The following PLXDC2 variants were observed in gnomAD, a reference collection of about 807,000 sequenced individuals.
The protein encoded by PLXDC2 is plexin domain containing 2, also known as plexin domain-containing protein 2.
PLXDC2 carries 40 observed loss-of-function variants against 68.9 expected under a neutral mutation model. The observed-to-expected ratio is 0.58, with a 90% confidence interval of 0.45 to 0.76. The LOEUF (loss-of-function observed/expected upper bound fraction) is 0.76. Ranked by LOEUF, PLXDC2 falls within the 30% of genes least tolerant of loss-of-function variation. The pLI, the probability that PLXDC2 is intolerant of heterozygous loss-of-function variation, is 0.00. For synonymous variants in PLXDC2, 243 were observed against 234.2 expected (o/e 1.04, Z -0.34); for missense variants, 644 against 661.9 (o/e 0.97, Z 0.30).
chr10:20,101,190 G>A (rs914758294), intron 4 of PLXDC2, among the ~76,000 whole-genome samples: 1 of 152,100 alleles, frequency 6.6e-6, no homozygotes, highest in Non-Finnish European at 1.5e-5. Context: ...TGAGAGGATG[G>A]GGGTAGTGTT....
chr10:20,103,589 TGTGAGAGA>T (rs1305465542), intron 4 of PLXDC2, among the ~76,000 whole-genome samples: 1 of 84,782 alleles, frequency 1.2e-5, no homozygotes, highest in Non-Finnish European at 1.9e-5. Flanking sequence ...GCGGTTTGTG[TGTGAGAGA>T]GAGAGAGAGA....
At chr10:19,955,877 G>A (rs1034678719) in intron 1 of PLXDC2, among the ~76,000 whole-genome samples, 15 of 151,944 alleles carry the variant, frequency 9.9e-5, no homozygotes, top group Non-Finnish European at 1.9e-4. Context: ...TCAGGAGTTC[G>A]AGACCAGCCT....
intron 9 of PLXDC2, among the ~76,000 whole-genome samples, chr10:20,193,298 ATT>A (rs1160744875): frequency 6.6e-6 from 1 of 152,130 alleles, no homozygotes; most frequent in African/African-American, 2.4e-5. Context: ...TAACAAATGT[ATT>A]GATTAATGGG....
intron 1 of PLXDC2, among the ~76,000 whole-genome samples, chr10:19,823,244 A>C (rs1364325896): frequency 6.6e-6 from 1 of 152,150 alleles, no homozygotes. Context: ...ATATATGTAC[A>C]TATGCATACA....
At chr10:19,924,262 C>G (rs1178637462) in intron 1 of PLXDC2, among the ~76,000 whole-genome samples, 1 of 152,128 alleles carries the variant, frequency 6.6e-6, no homozygotes, top group South Asian at 2.1e-4. Flanking sequence ...TTTACGTTTT[C>G]CTAACATTTG....
intron 4 of PLXDC2, among the ~76,000 whole-genome samples, chr10:20,127,651 A>G (rs1273486413): frequency 6.6e-6 from 1 of 152,156 alleles, no homozygotes; most frequent in Non-Finnish European, 1.5e-5. Flanking sequence ...GTTTCTGGAC[A>G]TTTTAAAAAT....
At position 20,208,776 on chromosome 10, in the gene PLXDC2, T is replaced by G. The variant is rs183410353; in HGVS notation, c.1062-2893T>G. ...CCCCGATATTTCATGTAGGTACTTT[T>G]ATATTTTCCCTAAGTGTTGGCCGGT... On this transcript the variant is annotated intron_variant, in intron 9 of 13. Transcript: ENST00000377252. Among the ~76,000 whole-genome samples the G allele has an allele frequency of 2.2e-4, 34 of 152,258 alleles. No homozygotes were observed. The East Asian group carries it at 4.8e-3, about 22-fold the overall frequency.
At chr10:20,248,654 A>C (rs1303933443) in intron 13 of PLXDC2, among the ~76,000 whole-genome samples, 1 of 152,048 alleles carries the variant, frequency 6.6e-6, no homozygotes, top group Non-Finnish European at 1.5e-5. Context: ...TAAGCAGCTG[A>C]TTTTTGGAGG....
intron 1 of PLXDC2, among the ~76,000 whole-genome samples, chr10:19,917,766 T>C (rs999167054): frequency 9.2e-5 from 14 of 152,358 alleles, no homozygotes; most frequent in Non-Finnish European, 1.9e-4. Context: ...ATTTAAAACC[T>C]ACTCATCTGA....
At chr10:20,021,827 T>C (rs1305757176) in intron 2 of PLXDC2, among the ~76,000 whole-genome samples, 1 of 152,072 alleles carries the variant, frequency 6.6e-6, no homozygotes, top group Non-Finnish European at 1.5e-5. Context: ...GCCTCCCAAG[T>C]AGCTGGGATT....
chr10:19,931,532 C>CT (rs1589542639), intron 1 of PLXDC2, among the ~76,000 whole-genome samples: 1 of 152,268 alleles, frequency 6.6e-6, no homozygotes, highest in Admixed American at 6.5e-5. Context: ...TTCAGCAAAT[C>CT]TTTTTTGAAA....
intron 13 of PLXDC2, among the ~76,000 whole-genome samples, chr10:20,251,681 T>C (rs1214067893): frequency 6.6e-6 from 1 of 152,140 alleles, no homozygotes; most frequent in Non-Finnish European, 1.5e-5. Context: ...AAAGTGATAA[T>C]CATACAAAAT....
chr10:20,179,180 A>G (rs774056029), intron 9 of PLXDC2, among the ~76,000 whole-genome samples: 2 of 152,082 alleles, frequency 1.3e-5, no homozygotes, highest in Admixed American at 6.6e-5. Context: ...TTCAGTGATC[A>G]CCTCGTCCAA....
At chr10:19,847,843 A>G (rs1284004186) in intron 1 of PLXDC2, among the ~76,000 whole-genome samples, 4 of 152,166 alleles carry the variant, frequency 2.6e-5, no homozygotes, top group Non-Finnish European at 5.9e-5. Context: ...GGTTACAGTG[A>G]TATACTGTAC....
chr10:20,113,103 A>T (rs1301750581), intron 4 of PLXDC2, among the ~76,000 whole-genome samples: 1 of 152,216 alleles, frequency 6.6e-6, no homozygotes, highest in Non-Finnish European at 1.5e-5. Flanking sequence ...GATCAGAGGA[A>T]TCGGATTCTT....
chr10:19,918,793 A>G (rs1396138100), intron 1 of PLXDC2, among the ~76,000 whole-genome samples: 1 of 152,242 alleles, frequency 6.6e-6, no homozygotes, highest in Non-Finnish European at 1.5e-5. Context: ...AAACTTTCTT[A>G]AAAGGACATG....
chr10:19,871,247 CACATATACGGCA>C (rs1353522988), intron 1 of PLXDC2, among the ~76,000 whole-genome samples: 1 of 152,160 alleles, frequency 6.6e-6, no homozygotes, highest in Admixed American at 6.5e-5. Flanking sequence ...GAGAACTGTT[CACATATACGGCA>C]AAGGAATTGA....
At chr10:19,869,178 C>T (rs1287674917) in intron 1 of PLXDC2, among the ~76,000 whole-genome samples, 1 of 152,074 alleles carries the variant, frequency 6.6e-6, no homozygotes, top group Non-Finnish European at 1.5e-5. Context: ...GGGTGGATCA[C>T]TTGAGCTCAG....
At chr10:20,173,422 C>T (rs1473575629) in intron 7 of PLXDC2, among the ~76,000 whole-genome samples, 1 of 152,080 alleles carries the variant, frequency 6.6e-6, no homozygotes, top group East Asian at 1.9e-4. Flanking sequence ...GCTAATCATG[C>T]CTCAAGGTAC....
Sources: allele counts gnomAD v4.1 joint callset (sites outside exome capture counted in the v4.1 genomes callset), GRCh38; gene constraint gnomAD v4.1.1; transcripts MANE v1.5; gene names NCBI Gene and HGNC (gene_info 2026-07-23, HGNC 2026-07-21).